The following COMMD7 variants were observed in gnomAD, a reference collection of about 807,000 sequenced individuals.
The protein encoded by COMMD7 is COMM domain-containing protein 7.
Under a neutral mutation model 34.8 loss-of-function variants are expected in COMMD7, and 28 were observed. The ratio of observed to expected loss-of-function variants is 0.80; its 90% CI spans 0.60 to 1.10. The LOEUF is 1.10. Among genes scored for constraint, COMMD7 ranks in the 50% least tolerant of loss-of-function variants. The pLI is 0.00. For missense variants in COMMD7, 211 were observed against 241.6 expected, an observed-to-expected ratio of 0.87 and a Z score of 0.84; for synonymous variants, 80 against 86.4, an observed-to-expected ratio of 0.93 and a Z score of 0.41.
At position 32,743,300 on chromosome 20, in the gene COMMD7, G is replaced by A; in HGVS notation, c.84+8C>T. 6.3e-6 allele frequency: 8 copies of A among 1,262,044 alleles called. No individual in the cohort carries two copies. The highest frequency in any genetic ancestry group is 8.1e-6 in the Non-Finnish European group (8 of 984,554). The allele number at this position is 1,262,044 out of a possible 1,614,324, so 78.2% of individuals were successfully genotyped here. The stretch of plus-strand genomic sequence containing the variant: ...GCCCCGCGCCCCACGCCCCGCCGCC[G>A]GGCCCACCTGCGCGCCCAGCTGGTT... On this transcript the variant is annotated splice_region_variant and intron_variant, in intron 1 of 8. Transcript: ENST00000278980.
chr20:32,726,441 C>T (rs956891118), intron 3 of COMMD7, among the ~76,000 whole-genome samples: 1 of 152,112 alleles, frequency 6.6e-6, no homozygotes, highest in Non-Finnish European at 1.5e-5. Flanking sequence ...GGGACTCACT[C>T]CTGTAATCCT....
At chr20:32,721,195 A>T (rs1486742844) in intron 3 of COMMD7, among the ~76,000 whole-genome samples, 1 of 152,072 alleles carries the variant, frequency 6.6e-6, no homozygotes, top group Non-Finnish European at 1.5e-5. Context: ...TGGGGGGCCA[A>T]GTGCGGTGGC....
intron 1 of COMMD7, among the ~76,000 whole-genome samples, chr20:32,732,390 C>T (rs183624272): frequency 5.9e-5 from 9 of 152,274 alleles, no homozygotes; most frequent in African/African-American, 1.9e-4. Flanking sequence ...CACACCCAAC[C>T]GGCATCAAAT....
At chr20:32,731,153 T>TA (rs574933289) in intron 1 of COMMD7, among the ~76,000 whole-genome samples, 72 of 151,816 alleles carry the variant, frequency 4.7e-4, no homozygotes, top group African/African-American at 1.7e-3. Context: ...GCAATCTGCA[T>TA]AAAAAAATTT....
At chr20:32,706,521 A>T in intron 5 of COMMD7, 62 bp downstream of exon 5, 6 of 1,420,974 alleles carry the variant, frequency 4.2e-6, no homozygotes, top group Non-Finnish European at 5.9e-6. Context: ...TCAAAAAAAA[A>T]AAAAAGAAAG....
intron 1 of COMMD7, among the ~76,000 whole-genome samples, chr20:32,740,248 C>T (rs1488533639): frequency 1.3e-5 from 2 of 148,422 alleles, no homozygotes; most frequent in Non-Finnish European, 3.0e-5. Flanking sequence ...ACCCGGGAGG[C>T]GGAGCTTGCA....
chr20:32,703,461 G>A lies in COMMD7; in HGVS notation c.527-3C>T. 6.2e-7 allele frequency: 1 copy of A among 1,611,596 alleles called. No individual in the cohort carries two copies. The highest frequency in any genetic ancestry group is 8.5e-7 in the Non-Finnish European group (1 of 1,179,366). Reference sequence around the variant, plus strand: ...GTAGAACTGAGGCAAGGTTAATTCTGGGGAGAGAAAATTCAGCTTCAGATA... The same window carrying A: ...GTAGAACTGAGGCAAGGTTAATTCTAGGGAGAGAAAATTCAGCTTCAGATA... On this transcript the variant is annotated splice_polypyrimidine_tract_variant and splice_region_variant and intron_variant, in intron 8 of 8. Transcript: ENST00000278980.
chr20:32,735,242 AAT>A (rs1491333198), intron 1 of COMMD7, among the ~76,000 whole-genome samples: 25 of 95,374 alleles, frequency 2.6e-4, no homozygotes, highest in African/African-American at 4.3e-4. Flanking sequence ...AAAAAAAAAA[AAT>A]TTTTTTTTAA....
At chr20:32,737,072 C>T (rs1002360335) in intron 1 of COMMD7, among the ~76,000 whole-genome samples, 1 of 151,738 alleles carries the variant, frequency 6.6e-6, no homozygotes, top group Non-Finnish European at 1.5e-5. Flanking sequence ...GTCCCAGCCA[C>T]TCTGGAGGCT....
intron 7 of COMMD7, 151 bp downstream of exon 7, chr20:32,704,289 A>G (rs1487585437): frequency 1.3e-6 from 1 of 772,266 alleles, no homozygotes; most frequent in African/African-American, 1.8e-5. Flanking sequence ...TAGGCATGTT[A>G]GTGACTACAT....
chr20:32,727,792 C>A, intron 3 of COMMD7, 101 bp downstream of exon 3: 1 of 954,916 alleles, frequency 1.0e-6, no homozygotes, highest in Non-Finnish European at 1.7e-6. Flanking sequence ...CATTACCAAA[C>A]GCTCTGGCTT....
intron 3 of COMMD7, among the ~76,000 whole-genome samples, chr20:32,708,085 A>C (rs1002932343): frequency 5.9e-5 from 9 of 152,164 alleles, no homozygotes; most frequent in Non-Finnish European, 5.9e-5. Context: ...TTCACAAGTC[A>C]CTTCCAGAGG....
At chr20:32,738,081 C>A (rs67881428) in intron 1 of COMMD7, among the ~76,000 whole-genome samples, 1 of 152,076 alleles carries the variant, frequency 6.6e-6, no homozygotes, top group Non-Finnish European at 1.5e-5. Context: ...AAGCCAAACA[C>A]GTGATCCTAA....
intron 1 of COMMD7, among the ~76,000 whole-genome samples, chr20:32,730,822 G>T (rs1370252991): frequency 6.6e-6 from 1 of 152,094 alleles, no homozygotes; most frequent in Non-Finnish European, 1.5e-5. Flanking sequence ...GGTAGCTACA[G>T]TTAGAGTCAT....
At chr20:32,716,742 AACAAAGCAAGACCCCC>A (rs1172627303) in intron 3 of COMMD7, among the ~76,000 whole-genome samples, 1 of 152,256 alleles carries the variant, frequency 6.6e-6, no homozygotes, top group East Asian at 1.9e-4. Flanking sequence ...TAGCCCAAGC[AACAAAGCAAGACCCCC>A]ACATCTCTAA....
chr20:32,728,201 C>G, intron 1 of COMMD7, 59 bp from the exon 2 acceptor site: 1 of 1,525,598 alleles, frequency 6.6e-7, no homozygotes, highest in South Asian at 1.1e-5. Flanking sequence ...CAGCATGCCC[C>G]ACCCCAGGCA....
chr20:32,720,637 C>T (rs138620718), intron 3 of COMMD7, among the ~76,000 whole-genome samples: 1,538 of 152,212 alleles, frequency 0.01, 10 homozygotes, highest in Non-Finnish European at 0.016. Context: ...GGTAAAACCT[C>T]GTCTCTACAA....
rs1464480345 is a variant in COMMD7 at position 32,703,445 on chromosome 20, AG to A, written c.539del (p.Pro180LeufsTer41). The A allele has an allele frequency of 6.2e-7, 1 of 1,613,780 alleles. No homozygotes were observed. The highest frequency in any genetic ancestry group is 2.2e-5 in the East Asian group (1 of 44,888). ...TCTCGTGCAGGAAGCTGTAGAACTG[AG>A]GCAAGGTTAATTCTGGGGAGAGAAA... Reference protein sequence around the residue: ...TENVYIELTLPQFYSFLHEME... With the variant: ...TENVYIELTLXQFYSFLHEME... On this transcript the variant is annotated frameshift_variant, in exon 9 of 9. Coordinates refer to ENST00000278980, the MANE Select transcript of COMMD7 (RefSeq NM_053041.3). LOFTEE classifies it high-confidence loss of function.
chr20:32,717,278 T>C (rs1415803171), intron 3 of COMMD7, among the ~76,000 whole-genome samples: 2 of 151,008 alleles, frequency 1.3e-5, no homozygotes, highest in South Asian at 2.1e-4. Context: ...TCTCAGCCTC[T>C]GAAGTAGTTG....
Sources: allele counts gnomAD v4.1 joint callset (sites outside exome capture counted in the v4.1 genomes callset), GRCh38; gene constraint gnomAD v4.1.1; transcripts MANE v1.5; gene names NCBI Gene and HGNC (gene_info 2026-07-23, HGNC 2026-07-21).